Variants in TXNRD3 observed in about 807,000 individuals in gnomAD.
The protein encoded by TXNRD3 is TXNRD3 neighbor gene protein.
Under a neutral mutation model 78.2 loss-of-function variants are expected in TXNRD3, and 68 were observed. That is an observed-to-expected ratio of 0.87 (90% confidence interval 0.72 to 1.06). TXNRD3 has a LOEUF of 1.06. TXNRD3 is among the 50% of genes least tolerant of loss of function. TXNRD3 has a pLI of 0.00. For synonymous variants in TXNRD3, 296 were observed against 300.1 expected, an observed-to-expected ratio of 0.99 and a Z score of 0.14; for missense variants, 751 against 809.5, an observed-to-expected ratio of 0.93 and a Z score of 0.88.
chr3:126,649,091 T>C (rs1359530310), intron 1 of TXNRD3, among the ~76,000 whole-genome samples: 1 of 152,162 alleles, frequency 6.6e-6, no homozygotes, highest in Admixed American at 6.6e-5. Flanking sequence ...GCAAATCACA[T>C]ATATGATAAG....
intron 1 of TXNRD3, 41 bp downstream of exon 1, chr3:126,654,707 G>T: frequency 8.1e-7 from 1 of 1,230,890 alleles, no homozygotes; most frequent in Non-Finnish European, 1.0e-6. Context: ...CGCGTGGCGG[G>T]CCCGGTCGCG....
chr3:126,654,656 C>A (rs1343524577), intron 1 of TXNRD3, 92 bp downstream of exon 1: 13 of 814,616 alleles, frequency 1.6e-5, no homozygotes, highest in Non-Finnish European at 2.1e-5. Flanking sequence ...CCGGGACCCG[C>A]GGGCGCCCCG....
chr3:126,625,817 T>C (rs1230443029), intron 10 of TXNRD3: 1 of 152,194 alleles, frequency 6.6e-6, no homozygotes, highest in Non-Finnish European at 1.5e-5. Flanking sequence ...TAGCACCTGT[T>C]TCCTGACTTT....
chr3:126,648,370 C>T (rs1933291371), intron 1 of TXNRD3, among the ~76,000 whole-genome samples: 1 of 152,140 alleles, frequency 6.6e-6, no homozygotes, highest in African/African-American at 2.4e-5. Context: ...ATAGAAAAAT[C>T]CATCCTAAAA....
At chr3:126,630,252 G>A (rs1938676484) in intron 9 of TXNRD3, among the ~76,000 whole-genome samples, 1 of 152,228 alleles carries the variant, frequency 6.6e-6, no homozygotes, top group South Asian at 2.1e-4. Flanking sequence ...CAGCTTCAAA[G>A]AAGTGAAGGA....
intron 1 of TXNRD3, 79 bp from the exon 2 acceptor site, chr3:126,647,375 G>T: frequency 9.7e-7 from 1 of 1,027,170 alleles, no homozygotes; most frequent in Non-Finnish European, 1.4e-6. Flanking sequence ...AATGAGAGAT[G>T]TCAACAATAA....
At chr3:126,618,110 T>C (rs568239658) in intron 12 of TXNRD3, among the ~76,000 whole-genome samples, 7 of 152,302 alleles carry the variant, frequency 4.6e-5, no homozygotes, top group South Asian at 2.1e-4. Flanking sequence ...TGCTCATGGA[T>C]TGGAAGAATT....
chr3:126,612,073 T>G (rs960379761), intron 13 of TXNRD3, among the ~76,000 whole-genome samples: 2 of 152,138 alleles, frequency 1.3e-5, no homozygotes, highest in African/African-American at 4.8e-5. Flanking sequence ...GGGTCTCACT[T>G]TGTCACCCAA....
intron 6 of TXNRD3, among the ~76,000 whole-genome samples, chr3:126,637,932 C>CTTTTTTTTTTTTTTTTTT (rs71615916): frequency 3.3e-5 from 2 of 60,190 alleles, no homozygotes; most frequent in Non-Finnish European, 2.8e-5. Context: ...ATTTCTCTCT[C>CTTTTTTTTTTTTTTTTTT]TTTTTTTTTT....
In TXNRD3 at chr3:126,607,852, C is replaced by T; in HGVS notation, c.*53G>A. 2.8e-6 allele frequency: 4 copies of T among 1,423,088 alleles called. No individual in the cohort carries two copies. The highest frequency in any genetic ancestry group is 3.8e-6 in the Non-Finnish European group (4 of 1,057,576). 88.2% of individuals were successfully genotyped at this position (1,423,088 alleles called of 1,614,324 possible). A position where few individuals can be genotyped will look rare whatever the true frequency, so the allele number is the denominator to read the frequency against. On this transcript the variant is annotated 3_prime_UTR_variant, in exon 16 of 16. Transcript: ENST00000524230. ...CAGGCTCATTTTATCCGAGAGCATT[C>T]TTATCTTTGAGAGAAATGAGAATAT... is the stretch of plus-strand genomic sequence containing the variant.
Position 126,637,963 on chromosome 3 carries a change from T to G in TXNRD3, c.713-3912A>C, listed in dbSNP as rs1222052324. Among the ~76,000 whole-genome samples, 274 of 102,624 alleles carry G rather than the reference T, an allele frequency of 2.7e-3. 2 individuals are homozygous for G. The highest frequency in any genetic ancestry group is 8.8e-3 in the African/African-American group (258 of 29,464). 67.3% of individuals were successfully genotyped at this position (102,624 alleles called of 152,430 possible). On this transcript the variant is annotated intron_variant, in intron 6 of 15. Transcript: ENST00000524230. Reference sequence around the variant, plus strand: ...TTTTTTTTTTTTTTTTTTTTTTTTTTGAGATGGAGTCTCACTGTCGCCCAG... The same window carrying G: ...TTTTTTTTTTTTTTTTTTTTTTTTTGGAGATGGAGTCTCACTGTCGCCCAG...
chr3:126,608,659 G>T (rs1938121225), intron 14 of TXNRD3, 26 bp from the exon 15 acceptor site: 2 of 1,528,944 alleles, frequency 1.3e-6, no homozygotes, highest in Non-Finnish European at 1.7e-6. Context: ...AAAACAAAGA[G>T]AATCCCAGTA....
intron 10 of TXNRD3, among the ~76,000 whole-genome samples, chr3:126,623,091 T>C (rs1445070987): frequency 2.6e-5 from 4 of 152,200 alleles, no homozygotes; most frequent in African/African-American, 9.6e-5. Flanking sequence ...TGTGGTACTC[T>C]TCCAGAACTG....
In TXNRD3 at chr3:126,654,847, C is replaced by G; in HGVS notation, c.144G>C (p.Ser48=). The G allele has an allele frequency of 7.3e-7, 1 of 1,366,824 alleles. No homozygotes were observed. Among genetic ancestry groups the G allele is most frequent in the Non-Finnish European group, 9.4e-7 (1 of 1,065,432 alleles). 84.7% of individuals were successfully genotyped at this position (1,366,824 alleles called of 1,614,324 possible). ...GGCGCAGCTCCTCGCGGGCCTCGGA[C>G]GAGCGGCTGGGCCCGGGGGACGACA... Residue 48 remains serine, a synonymous_variant, in exon 1 of 16, where the codon TCG becomes TCC. Transcript: ENST00000524230.
intron 13 of TXNRD3, among the ~76,000 whole-genome samples, chr3:126,614,326 G>A (rs1391037120): frequency 6.6e-6 from 1 of 152,130 alleles, no homozygotes; most frequent in Non-Finnish European, 1.5e-5. Flanking sequence ...AAAACTTGAG[G>A]AACTTGTTTC....
intron 4 of TXNRD3, 52 bp from the exon 5 acceptor site, chr3:126,644,105 G>C: frequency 6.6e-7 from 1 of 1,511,608 alleles, no homozygotes; most frequent in Non-Finnish European, 8.9e-7. Context: ...TCACTTTCCT[G>C]ACACTCCCTC....
intron 14 of TXNRD3, 109 bp downstream of exon 14, chr3:126,610,928 A>G (rs761451090): frequency 3.2e-4 from 198 of 616,912 alleles, no homozygotes; most frequent in Non-Finnish European, 1.9e-4. Flanking sequence ...AGCCTGAGCA[A>G]CATGGCAAGA....
chr3:126,607,783 A>G lies in TXNRD3; in HGVS notation c.*122T>C. On this transcript the variant is annotated 3_prime_UTR_variant, in exon 16 of 16. Transcript: ENST00000524230. ...CTTTCTCATCTAAGTGTCGTAAGAC[A>G]GCCCTGCACTGGTCCCTGAGTAACA... 1 of 596,216 alleles carries G rather than the reference A, an allele frequency of 1.7e-6. No homozygotes were observed. The highest frequency in any genetic ancestry group is 2.5e-6 in the Non-Finnish European group (1 of 392,560). 36.9% of individuals were successfully genotyped at this position (596,216 alleles called of 1,614,324 possible). A position where few individuals can be genotyped will look rare whatever the true frequency, so the allele number is the denominator to read the frequency against.
At chr3:126,648,623 G>A (rs897698079) in intron 1 of TXNRD3, among the ~76,000 whole-genome samples, 1 of 152,146 alleles carries the variant, frequency 6.6e-6, no homozygotes, top group Non-Finnish European at 1.5e-5. Flanking sequence ...AAATGATGCT[G>A]AGAAAACTGG....
Sources: gnomAD v4.1 joint callset for allele counts (sites outside exome capture counted in the v4.1 genomes callset) on GRCh38, gnomAD v4.1.1 for gene constraint, MANE v1.5 for transcripts, NCBI Gene and HGNC (gene_info 2026-07-23, HGNC 2026-07-21) for gene names.